The following GABPB2 variants were observed in gnomAD, a reference collection of about 807,000 sequenced individuals.
The protein encoded by GABPB2 is GA binding protein transcription factor subunit beta 2.
A neutral mutation model predicts 39.1 loss-of-function variants in GABPB2; 23 were observed. That is an observed-to-expected ratio of 0.59 (90% CI 0.42 to 0.83). GABPB2 has a LOEUF of 0.83. Ranked by LOEUF, GABPB2 falls within the 40% of genes least tolerant of loss-of-function variation. The probability of loss-of-function intolerance (pLI) is 0.00; values close to 1 mark genes in which losing one functional copy is unlikely to be tolerated. For missense variants in GABPB2, 467 were observed against 541.1 expected (o/e 0.86, Z 1.36); for synonymous variants, 184 against 199.3 (o/e 0.92, Z 0.65).
In GABPB2 at chr1:151,090,540, T is replaced by C. The variant is rs1273588201; in HGVS notation, c.243T>C (p.Asp81=). 1 of 1,614,070 alleles carries C rather than the reference T, an allele frequency of 6.2e-7. No individual in the cohort carries two copies. Among genetic ancestry groups the C allele is most frequent in the African/African-American group, 1.3e-5 (1 of 75,046 alleles). Residue 81 remains aspartate, a synonymous_variant, in exon 3 of 9, where the codon GAT becomes GAC. Coordinates refer to ENST00000368918, the MANE Select transcript of GABPB2 (RefSeq NM_144618.3). ...DRTPLHMAAA[D]GHAHIVELLV... is the part of the protein sequence containing the mutation. ...CCCCCTTGCACATGGCTGCAGCCGA[T>C]GGACATGCGCACATCGTGGAACTGC...
intron 5 of GABPB2, among the ~76,000 whole-genome samples, chr1:151,099,179 CTTTATTTTTTATTT>C (rs200100368): frequency 2.1e-4 from 32 of 151,278 alleles, no homozygotes; most frequent in Non-Finnish European, 3.8e-4. Context: ...TCAGCATCTC[CTTTATTTTTTATTT>C]TTTATTTTTT....
chr1:151,098,078 G>A, intron 5 of GABPB2, 76 bp downstream of exon 5: 1 of 1,264,616 alleles, frequency 7.9e-7, no homozygotes, highest in Non-Finnish European at 1.1e-6. Context: ...GAGATGAATG[G>A]ATACCCTTTC....
At position 151,122,675 on chromosome 1, in the gene GABPB2, TATACAGTCACC is replaced by T. The variant is rs956796108; in HGVS notation, c.*4421_*4431del. On this transcript the variant is annotated 3_prime_UTR_variant, in exon 9 of 9. Transcript: ENST00000368918. ...TGTCCATCCAACATGCCCTTCTGAC[TATACAGTCACC>T]ACTTTTTTGGGGGAATTCTTTAGCA... 2 of 152,180 alleles carry T rather than the reference TATACAGTCACC, an allele frequency of 1.3e-5. No individual in the cohort carries two copies. Among genetic ancestry groups the T allele is most frequent in the African/African-American group, 4.8e-5 (2 of 41,442 alleles). The allele number at this position is 152,180 out of a possible 1,614,324, so 9.4% of individuals were successfully genotyped here.
chr1:151,085,048 G>T (rs1210882451), intron 1 of GABPB2, among the ~76,000 whole-genome samples: 2 of 151,724 alleles, frequency 1.3e-5, no homozygotes, highest in Admixed American at 1.3e-4. Flanking sequence ...AGTGAGCTGT[G>T]ATCACGGCAC....
chr1:151,086,012 A>G (rs1289712654), intron 1 of GABPB2, among the ~76,000 whole-genome samples: 29 of 152,184 alleles, frequency 1.9e-4, no homozygotes. Context: ...GGTGGGGCCA[A>G]GATGGGTCGA....
rs1265715836 is a variant in GABPB2 at position 151,124,990 on chromosome 1, C to G, written c.*6734C>G. 2.6e-5 allele frequency: 4 copies of G among 151,898 alleles called. No individual in the cohort carries two copies. The highest frequency in any genetic ancestry group is 2.0e-4 in the Admixed American group (3 of 15,228). 9.4% of individuals were successfully genotyped at this position (151,898 alleles called of 1,614,324 possible). A position where few individuals can be genotyped will look rare whatever the true frequency, so the allele number is the denominator to read the frequency against. ...TTTCTGCTTTTGTGATTCCATTGTT[C>G]CTATCTCATTGAGGCTTTCCCAGGC... On this transcript the variant is annotated 3_prime_UTR_variant, in exon 9 of 9. Transcript: ENST00000368918.
At chr1:151,074,624 C>T (rs1677016255) in intron 1 of GABPB2, among the ~76,000 whole-genome samples, 1 of 151,960 alleles carries the variant, frequency 6.6e-6, no homozygotes, top group African/African-American at 2.4e-5. Context: ...CAGCAGCCTC[C>T]TCTTTTTAGA....
intron 1 of GABPB2, among the ~76,000 whole-genome samples, chr1:151,077,305 C>T (rs1221093500): frequency 6.6e-6 from 1 of 151,620 alleles, no homozygotes; most frequent in Non-Finnish European, 1.5e-5. Context: ...GGCCCAGGAG[C>T]CCCACATTAT....
chr1:151,083,877 A>AT (rs1363205917), intron 1 of GABPB2, among the ~76,000 whole-genome samples: 1 of 150,170 alleles, frequency 6.7e-6, no homozygotes, highest in African/African-American at 2.4e-5. Context: ...AGTAGCTGTC[A>AT]TTACAGGCAC....
intron 7 of GABPB2, among the ~76,000 whole-genome samples, chr1:151,107,590 C>G (rs968896172): frequency 4.6e-5 from 7 of 151,856 alleles, no homozygotes; most frequent in Admixed American, 3.3e-4. Context: ...CAGGCTCCGC[C>G]TCCTGGGTTC....
intron 6 of GABPB2, among the ~76,000 whole-genome samples, chr1:151,106,828 A>T (rs191178034): frequency 6.6e-6 from 1 of 152,164 alleles, no homozygotes; most frequent in African/African-American, 2.4e-5. Flanking sequence ...CAGTGAACAC[A>T]TTTTACAAAA....
chr1:151,098,474 C>G (rs1679275008), intron 5 of GABPB2, among the ~76,000 whole-genome samples: 1 of 149,524 alleles, frequency 6.7e-6, no homozygotes, highest in Non-Finnish European at 1.5e-5. Context: ...GTACTCTGGC[C>G]TGGATGACAG....
At chr1:151,094,896 G>T (rs1317332045) in intron 4 of GABPB2, among the ~76,000 whole-genome samples, 1 of 151,244 alleles carries the variant, frequency 6.6e-6, no homozygotes, top group Non-Finnish European at 1.5e-5. Flanking sequence ...TGTAATCCCA[G>T]CTACTCGGGA....
At position 151,088,437 on chromosome 1, in the gene GABPB2, T is replaced by G. The variant is rs1678386860; in HGVS notation, c.108+140T>G. ...TTACAAGAGTTTTATTTTCTTTGTCTCATCTGAATATGTGGTTTTCTTTTT... is the reference window on the plus strand; with the variant it reads ...TTACAAGAGTTTTATTTTCTTTGTCGCATCTGAATATGTGGTTTTCTTTTT... On this transcript the variant is annotated intron_variant, in intron 2 of 8. Coordinates refer to ENST00000368918, the MANE Select transcript of GABPB2 (RefSeq NM_144618.3). 6.0e-6 allele frequency: 8 copies of G among 1,341,842 alleles called. No individual in the cohort carries two copies. In the South Asian group the frequency reaches 8.1e-5, roughly 14 times the overall value. The allele number at this position is 1,341,842 out of a possible 1,614,324, so 83.1% of individuals were successfully genotyped here. A position where few individuals can be genotyped will look rare whatever the true frequency, so the allele number is the denominator to read the frequency against.
At chr1:151,103,068 GAGA>G (rs1166732169) in intron 5 of GABPB2, among the ~76,000 whole-genome samples, 1 of 17,282 alleles carries the variant, frequency 5.8e-5, no homozygotes, top group East Asian at 1.6e-3. Context: ...TTTTTTTTTT[GAGA>G]AGGAGTCTCG....
In GABPB2 at chr1:151,101,313, G is replaced by A. The variant is rs1333522958; in HGVS notation, c.623-2249G>A. ...TATATTGCTTAGTGTGCTGGCTCACGCCTATAATCCCAGCACTTTGGGAGG... is the reference window on the plus strand; with the variant it reads ...TATATTGCTTAGTGTGCTGGCTCACACCTATAATCCCAGCACTTTGGGAGG... On this transcript the variant is annotated intron_variant, in intron 5 of 8. Transcript: ENST00000368918. Among the ~76,000 whole-genome samples the A allele has an allele frequency of 2.0e-5, 3 of 151,976 alleles. No individual in the cohort carries two copies. In the East Asian group the frequency reaches 5.8e-4, roughly 29 times the overall value.
At chr1:151,074,341 C>G (rs587669868) in intron 1 of GABPB2, among the ~76,000 whole-genome samples, 2 of 117,982 alleles carry the variant, frequency 1.7e-5, no homozygotes, top group Non-Finnish European at 1.8e-5. Flanking sequence ...GACGGAGTCT[C>G]GCTCTGTCGC....
intron 1 of GABPB2, among the ~76,000 whole-genome samples, chr1:151,085,437 GTTAT>G (rs1186421868): frequency 1.3e-5 from 2 of 152,164 alleles, no homozygotes; most frequent in African/African-American, 4.8e-5. Flanking sequence ...GATAAAAGCA[GTTAT>G]TTATTTTATT....
At chr1:151,084,721 A>G (rs1402362080) in intron 1 of GABPB2, among the ~76,000 whole-genome samples, 1 of 150,498 alleles carries the variant, frequency 6.6e-6, no homozygotes, top group Non-Finnish European at 1.5e-5. Context: ...TCTTTAGTAG[A>G]GATGGGATTT....
Sources: allele counts gnomAD v4.1 joint callset (sites outside exome capture counted in the v4.1 genomes callset), GRCh38; gene constraint gnomAD v4.1.1; transcripts MANE v1.5; gene names NCBI Gene and HGNC (gene_info 2026-07-23, HGNC 2026-07-21).